The following ARID3B variants were observed in gnomAD, a reference collection of about 807,000 sequenced individuals.
The protein encoded by ARID3B is AT-rich interaction domain 3B.
A neutral mutation model predicts 51.9 loss-of-function variants in ARID3B; 10 were observed. The ratio of observed to expected loss-of-function variants is 0.19; its 90% CI spans 0.12 to 0.33. The LOEUF (loss-of-function observed/expected upper bound fraction) is 0.33. ARID3B is among the 10% of genes least tolerant of loss of function. The probability of loss-of-function intolerance (pLI) is 1.00; values close to 1 mark genes in which losing one functional copy is unlikely to be tolerated. For synonymous variants in ARID3B, 205 were observed against 279.5 expected, an observed-to-expected ratio of 0.73 and a Z score of 2.66; for missense variants, 483 against 716.3, an observed-to-expected ratio of 0.67 and a Z score of 3.72.
At chr15:74,595,109 G>A (rs558818984) in intron 8 of ARID3B, among the ~76,000 whole-genome samples, 1 of 152,116 alleles carries the variant, frequency 6.6e-6, no homozygotes, top group Non-Finnish European at 1.5e-5. Flanking sequence ...GCATTGGTGC[G>A]GTCATAGCTC....
intron 4 of ARID3B, among the ~76,000 whole-genome samples, chr15:74,579,829 G>A (rs1184026888): frequency 1.1e-4 from 2 of 18,454 alleles, no homozygotes; most frequent in Non-Finnish European, 1.5e-4. Context: ...ACCTGTTGCC[G>A]TGTGTGTGTG....
intron 4 of ARID3B, among the ~76,000 whole-genome samples, chr15:74,577,856 C>T (rs2061743650): frequency 6.6e-6 from 1 of 151,812 alleles, no homozygotes; most frequent in Admixed American, 6.6e-5. Context: ...CAGTTTTAAT[C>T]ATGTGAGGCT....
In ARID3B at chr15:74,598,128, A is replaced by G. The variant is rs1324752858; in HGVS notation, c.*2354A>G. 1 of 462,566 alleles carries G rather than the reference A, an allele frequency of 2.2e-6. No individual in the cohort carries two copies. Among genetic ancestry groups the G allele is most frequent in the East Asian group, 4.5e-5 (1 of 22,052 alleles). The allele number at this position is 462,566 out of a possible 1,614,324, so 28.7% of individuals were successfully genotyped here. On this transcript the variant is annotated 3_prime_UTR_variant, in exon 9 of 9. Coordinates refer to ENST00000346246, the MANE Select transcript of ARID3B (RefSeq NM_006465.4). ...TTTCAATAAACCTCTACCTCTTCAC[A>G]CAAGCAGGTCTCTCTCAGTTGCTTT...
chr15:74,594,689 A>G (rs1220456725), intron 8 of ARID3B, among the ~76,000 whole-genome samples: 1 of 152,230 alleles, frequency 6.6e-6, no homozygotes, highest in Non-Finnish European at 1.5e-5. Flanking sequence ...GCCTCCTGGG[A>G]GCATGCTCTG....
At chr15:74,590,644 G>A (rs564124158) in intron 5 of ARID3B, among the ~76,000 whole-genome samples, 60 of 152,306 alleles carry the variant, frequency 3.9e-4, no homozygotes, top group Middle Eastern at 3.4e-3. Context: ...TGAAGAGTAT[G>A]CAATGAACAA....
intron 1 of ARID3B, among the ~76,000 whole-genome samples, chr15:74,541,869 G>A (rs1229034427): frequency 1.3e-5 from 2 of 152,198 alleles, no homozygotes; most frequent in African/African-American, 4.8e-5. Flanking sequence ...AGGGGCCCGT[G>A]TGAAGGGATG....
intron 1 of ARID3B, among the ~76,000 whole-genome samples, chr15:74,543,149 G>GCAA (rs913712903): frequency 7.9e-5 from 12 of 152,212 alleles, no homozygotes; most frequent in African/African-American, 2.9e-4. Context: ...AGTGACGATT[G>GCAA]CAATTTGAGA....
intron 2 of ARID3B, among the ~76,000 whole-genome samples, chr15:74,561,745 A>G (rs1040286357): frequency 1.3e-5 from 2 of 152,224 alleles, no homozygotes; most frequent in Non-Finnish European, 2.9e-5. Flanking sequence ...CCTGGCAGGT[A>G]GTTAGCACAG....
In ARID3B at chr15:74,596,676, C is replaced by G. The variant is rs2061826688; in HGVS notation, c.*902C>G. 4.3e-6 allele frequency: 1 copy of G among 233,626 alleles called. No individual in the cohort carries two copies. Among genetic ancestry groups the G allele is most frequent in the African/African-American group, 2.2e-5 (1 of 45,356 alleles). The allele number at this position is 233,626 out of a possible 1,614,324, so 14.5% of individuals were successfully genotyped here. A position where few individuals can be genotyped will look rare whatever the true frequency, so the allele number is the denominator to read the frequency against. On this transcript the variant is annotated 3_prime_UTR_variant, in exon 9 of 9. Transcript: ENST00000346246. ...ATGGGGCCATCTTGGCCTCACCATC[C>G]CCACACGTGCCGATGTCAGGTTCAT...
At chr15:74,567,738 T>C (rs1279641440) in intron 2 of ARID3B, among the ~76,000 whole-genome samples, 1 of 152,158 alleles carries the variant, frequency 6.6e-6, no homozygotes, top group African/African-American at 2.4e-5. Flanking sequence ...CAGGGTAACT[T>C]CTGCCTATCA....
chr15:74,574,105 C>T (rs965190024), intron 4 of ARID3B: 3 of 152,340 alleles, frequency 2.0e-5, no homozygotes, highest in African/African-American at 7.2e-5. Flanking sequence ...TCACTCTGCA[C>T]ATCCCCAAGA....
intron 2 of ARID3B, among the ~76,000 whole-genome samples, chr15:74,562,183 C>T (rs940074291): frequency 2.0e-5 from 3 of 151,880 alleles, no homozygotes; most frequent in Admixed American, 2.0e-4. Context: ...GCCCTGTCGC[C>T]CAGGCTGGAG....
At chr15:74,589,251 G>A (rs749519535) in intron 4 of ARID3B, among the ~76,000 whole-genome samples, 13 of 151,770 alleles carry the variant, frequency 8.6e-5, no homozygotes, top group East Asian at 7.8e-4. Context: ...GGATGGTCTC[G>A]ATCTCCTGAC....
intron 4 of ARID3B, among the ~76,000 whole-genome samples, chr15:74,581,262 A>C (rs1596261713): frequency 6.6e-6 from 1 of 152,228 alleles, no homozygotes; most frequent in African/African-American, 2.4e-5. Context: ...ATATACAAAG[A>C]ATTTACTGTG....
At chr15:74,567,300 C>T (rs1157031339) in intron 2 of ARID3B, among the ~76,000 whole-genome samples, 1 of 152,216 alleles carries the variant, frequency 6.6e-6, no homozygotes, top group Non-Finnish European at 1.5e-5. Flanking sequence ...GCTTAACCTC[C>T]ACCTCTAAGC....
intron 2 of ARID3B, among the ~76,000 whole-genome samples, chr15:74,558,064 G>T (rs552393409): frequency 2.0e-5 from 3 of 151,500 alleles, no homozygotes; most frequent in Admixed American, 2.0e-4. Context: ...CTCATGATCC[G>T]CCCACCTCGG....
chr15:74,541,985 G>C (rs1216400079), intron 1 of ARID3B, among the ~76,000 whole-genome samples: 1 of 152,188 alleles, frequency 6.6e-6, no homozygotes, highest in African/African-American at 2.4e-5. Context: ...TTGGGGGAGG[G>C]TGTGTGTATT....
intron 2 of ARID3B, among the ~76,000 whole-genome samples, chr15:74,558,178 C>CTTTTTTTT (rs1208034661): frequency 9.6e-6 from 1 of 104,666 alleles, no homozygotes; most frequent in African/African-American, 3.9e-5. Context: ...TGGTTTGTGT[C>CTTTTTTTT]TTTTTTTTTT....
At chr15:74,555,278 G>T (rs187960864) in intron 2 of ARID3B, among the ~76,000 whole-genome samples, 1,822 of 152,206 alleles carry the variant, frequency 0.012, 25 homozygotes, top group South Asian at 0.042. Flanking sequence ...GCTTGGAGTG[G>T]CTGTGGCAAT....
Sources: allele counts gnomAD v4.1 joint callset (sites outside exome capture counted in the v4.1 genomes callset), GRCh38; gene constraint gnomAD v4.1.1; transcripts MANE v1.5; gene names NCBI Gene and HGNC (gene_info 2026-07-23, HGNC 2026-07-21).